The following CHSY3 variants were observed in gnomAD, a reference collection of about 807,000 sequenced individuals.
The protein encoded by CHSY3 is N-acetylgalactosaminyl-proteoglycan 3-beta-glucuronosyltransferase 3.
A neutral mutation model predicts 67.2 loss-of-function variants in CHSY3; 35 were observed. The observed-to-expected ratio is 0.52, with a 90% confidence interval of 0.40 to 0.69. The LOEUF is 0.69. CHSY3 is among the 30% of genes least tolerant of loss of function. The probability of loss-of-function intolerance (pLI) is 0.00; values close to 1 mark genes in which losing one functional copy is unlikely to be tolerated. For missense variants in CHSY3, 1,069 were observed against 1,138.5 expected, an observed-to-expected ratio of 0.94 and a Z score of 0.88; for synonymous variants, 474 against 434.7, an observed-to-expected ratio of 1.09 and a Z score of -1.12.
chr5:130,045,089 C>T (rs1159316869), intron 2 of CHSY3, among the ~76,000 whole-genome samples: 1 of 152,086 alleles, frequency 6.6e-6, no homozygotes, highest in Non-Finnish European at 1.5e-5. Flanking sequence ...CTCCTGTGCT[C>T]AAGAAATCCT....
chr5:129,980,419 G>C (rs1325739761), intron 2 of CHSY3, among the ~76,000 whole-genome samples: 1 of 152,064 alleles, frequency 6.6e-6, no homozygotes, highest in Admixed American at 6.5e-5. Flanking sequence ...TATCTTCTTT[G>C]GTGAAGGGTC....
intron 2 of CHSY3, among the ~76,000 whole-genome samples, chr5:130,169,247 A>C (rs1274391030): frequency 1.3e-5 from 2 of 152,174 alleles, no homozygotes; most frequent in African/African-American, 4.8e-5. Context: ...CATTTCATAC[A>C]TAATGAATAT....
chr5:130,115,458 G>T (rs1561543012), intron 2 of CHSY3, among the ~76,000 whole-genome samples: 2 of 152,084 alleles, frequency 1.3e-5, no homozygotes, highest in African/African-American at 4.8e-5. Flanking sequence ...TATGTCTCCA[G>T]ATTACCATAG....
chr5:130,076,675 C>A (rs1170787444), intron 2 of CHSY3, among the ~76,000 whole-genome samples: 2 of 151,774 alleles, frequency 1.3e-5, no homozygotes, highest in African/African-American at 2.4e-5. Context: ...TTGAAATTTT[C>A]TCTTATTATT....
intron 2 of CHSY3, among the ~76,000 whole-genome samples, chr5:130,172,837 G>A (rs1769933097): frequency 6.6e-6 from 1 of 152,100 alleles, no homozygotes; most frequent in East Asian, 1.9e-4. Flanking sequence ...TTTCTTATAA[G>A]TGGAATCATA....
intron 2 of CHSY3, among the ~76,000 whole-genome samples, chr5:130,028,612 TG>T (rs1764620580): frequency 6.6e-6 from 1 of 152,108 alleles, no homozygotes; most frequent in Non-Finnish European, 1.5e-5. Context: ...GTAGTGAAAA[TG>T]ACAACTTATT....
chr5:130,130,315 T>C (rs1768439859), intron 2 of CHSY3, among the ~76,000 whole-genome samples: 5 of 152,112 alleles, frequency 3.3e-5, no homozygotes, highest in Admixed American at 3.3e-4. Context: ...TTCTGAACCA[T>C]CCTCTCCTAG....
At chr5:130,119,417 CCTAA>C (rs974352948) in intron 2 of CHSY3, among the ~76,000 whole-genome samples, 1 of 152,124 alleles carries the variant, frequency 6.6e-6, no homozygotes, top group South Asian at 2.1e-4. Flanking sequence ...TGCTAAACAT[CCTAA>C]CTGTTTCTTT....
chr5:130,052,315 C>A (rs1007326741), intron 2 of CHSY3: 11 of 152,214 alleles, frequency 7.2e-5, no homozygotes, highest in Non-Finnish European at 1.2e-4. Flanking sequence ...GGAGTTCCCC[C>A]CACAGTGGGG....
chr5:130,159,527 A>C (rs1294816963), intron 2 of CHSY3, among the ~76,000 whole-genome samples: 1 of 152,252 alleles, frequency 6.6e-6, no homozygotes, highest in East Asian at 1.9e-4. Flanking sequence ...CTTTAAATTT[A>C]GTTTTAAGCA....
At chr5:129,981,477 A>C (rs557792264) in intron 2 of CHSY3, among the ~76,000 whole-genome samples, 1 of 151,768 alleles carries the variant, frequency 6.6e-6, no homozygotes, top group Non-Finnish European at 1.5e-5. Context: ...GGACAGTTTT[A>C]TTTCTTTCTT....
At chr5:130,063,989 G>C (rs1387573792) in intron 2 of CHSY3, among the ~76,000 whole-genome samples, 2 of 151,994 alleles carry the variant, frequency 1.3e-5, no homozygotes, top group Non-Finnish European at 2.9e-5. Flanking sequence ...TACTGATGAG[G>C]GTGATTTTTA....
At chr5:129,905,877 T>TTA in intron 1 of CHSY3, 1 of 824,678 alleles carries the variant, frequency 1.2e-6, no homozygotes, top group Non-Finnish European at 1.8e-6. Context: ...ACTTGCTGTT[T>TTA]TCGGTGCCGC....
chr5:129,974,152 AT>A lies in CHSY3; in HGVS notation c.1086+65795del, dbSNP rs199631674. Among the ~76,000 whole-genome samples the A allele has an allele frequency of 4.7e-4, 71 of 152,282 alleles. No homozygotes were observed. In the East Asian group the frequency reaches 0.013, roughly 27 times the overall value. ...AATGAGATTTCCTAGCACATAGCTT[AT>A]TTCTAATAGCCTGTAATTGGAAGGG... is the stretch of plus-strand genomic sequence containing the variant. On this transcript the variant is annotated intron_variant, in intron 2 of 2. Transcript: ENST00000305031.
At chr5:129,932,349 C>G (rs568964694) in intron 2 of CHSY3, among the ~76,000 whole-genome samples, 298 of 151,376 alleles carry the variant, frequency 2.0e-3, no homozygotes, top group African/African-American at 7.0e-3. Context: ...CTATCTTTCC[C>G]CTTAAGACTT....
At chr5:130,176,584 G>A (rs1770059412) in intron 2 of CHSY3, among the ~76,000 whole-genome samples, 1 of 152,070 alleles carries the variant, frequency 6.6e-6, no homozygotes, top group South Asian at 2.1e-4. Context: ...CAGAGACTTG[G>A]AACCAACCCA....
At chr5:130,119,997 C>T (rs1383357759) in intron 2 of CHSY3, among the ~76,000 whole-genome samples, 2 of 152,116 alleles carry the variant, frequency 1.3e-5, no homozygotes, top group African/African-American at 4.8e-5. Context: ...TTTTTAATTC[C>T]ACATTCACTT....
chr5:129,959,861 G>A (rs1762282021), intron 2 of CHSY3, among the ~76,000 whole-genome samples: 2 of 151,812 alleles, frequency 1.3e-5, no homozygotes, highest in African/African-American at 4.8e-5. Flanking sequence ...TTTTTTACTT[G>A]ATAACAACAC....
chr5:130,185,507 G>A lies in CHSY3; in HGVS notation c.2365G>A (p.Asp789Asn), dbSNP rs1275751347. 1.9e-6 allele frequency: 3 copies of A among 1,614,116 alleles called. No individual in the cohort carries two copies. The highest frequency in any genetic ancestry group is 2.5e-6 in the Non-Finnish European group (3 of 1,180,000). ...GYGITCIYKS[D>N]LLGAGGFDTS... ...TGGCATCACCTGTATTTACAAAAGTGATCTTCTAGGTGCAGGTGGATTTGA... is the reference window on the plus strand; with the variant it reads ...TGGCATCACCTGTATTTACAAAAGTAATCTTCTAGGTGCAGGTGGATTTGA... Residue 789 changes from aspartate to asparagine, a missense_variant, in exon 3 of 3, where the codon GAT becomes AAT. Asp to Asn is a conservative substitution (Grantham distance 23). This residue lies in a region of CHSY3 where 139 missense variants were observed against 152.8 expected (regional missense o/e 0.91). Transcript: ENST00000305031.
Sources: gnomAD v4.1 joint callset for allele counts (sites outside exome capture counted in the v4.1 genomes callset) on GRCh38, gnomAD v4.1.1 for gene constraint, gnomAD v4.1.1 regional missense constraint, MANE v1.5 for transcripts, NCBI Gene and HGNC (gene_info 2026-07-23, HGNC 2026-07-21) for gene names.